The following TTC28 variants were observed in gnomAD, a reference collection of about 807,000 sequenced individuals.
TTC28 encodes tetratricopeptide repeat protein 28.
Under a neutral mutation model 198.0 loss-of-function variants are expected in TTC28, and 61 were observed. The ratio of observed to expected loss-of-function variants is 0.31; its 90% CI spans 0.25 to 0.38. The LOEUF (loss-of-function observed/expected upper bound fraction) is 0.38, where lower values mean the gene tolerates loss of function less well. Ranked by LOEUF, TTC28 falls within the 10% of genes least tolerant of loss-of-function variation. The pLI is 1.00. For synonymous variants in TTC28, 1,171 were observed against 1,297.8 expected, an observed-to-expected ratio of 0.90 and a Z score of 2.10; for missense variants, 2,678 against 3,164.0, an observed-to-expected ratio of 0.85 and a Z score of 3.69.
chr22:28,032,191 A>G (rs1052291508), intron 12 of TTC28, among the ~76,000 whole-genome samples: 2 of 61,892 alleles, frequency 3.2e-5, no homozygotes, highest in African/African-American at 8.3e-5. Flanking sequence ...TATATATAAA[A>G]TATATATATA....
At position 28,677,176 on chromosome 22, in the gene TTC28, ATATATAT is replaced by A. The variant is rs1271473064; in HGVS notation, c.102+2439_102+2445del. Reference sequence around the variant, plus strand: ...ATCTCAGGAAAAAAAAAAAAAAAAAATATATATATATATATATATATATATACACACA... The same window carrying A: ...ATCTCAGGAAAAAAAAAAAAAAAAAAATATATATATATATATATACACACA... On this transcript the variant is annotated intron_variant, in intron 1 of 22. Transcript: ENST00000397906. Among the ~76,000 whole-genome samples, 282 of 59,342 alleles carry A rather than the reference ATATATAT, an allele frequency of 4.8e-3. 10 individuals carry two copies. The highest frequency in any genetic ancestry group is 0.032 in the South Asian group (59 of 1,850). The allele number at this position is 59,342 out of a possible 152,430, so 38.9% of individuals were successfully genotyped here.
rs1942361221 is a variant in TTC28, at chr22:28,107,846, G to C, written c.1999C>G (p.Leu667Val). 1.3e-6 allele frequency: 2 copies of C among 1,551,864 alleles called. No homozygotes were observed. Among genetic ancestry groups the C allele is most frequent in the Non-Finnish European group, 1.7e-6 (2 of 1,147,038 alleles). ...TTTGCTTGGCTCAACTTGTCGTGAA[G>C]GTCTTTAGCCAGTGCCAGATCCTGT... is the stretch of plus-strand genomic sequence containing the variant. Reference protein sequence around the residue: ...YEQDLALAKDLHDKLSQAKAY... With the variant: ...YEQDLALAKDVHDKLSQAKAY... The change falls in exon 7 of 23, where the codon CTT (leucine) becomes GTT (valine). Residue 667 changes from leucine (L) to valine (V), a missense_variant. By Grantham distance (32) the Leu-to-Val change is conservative. This residue lies in a region of TTC28 where 775 missense variants were observed against 845.9 expected (regional missense o/e 0.92). Coordinates refer to ENST00000397906, the MANE Select transcript of TTC28 (RefSeq NM_001145418.2).
At chr22:28,450,211 T>A (rs778459442) in intron 2 of TTC28, among the ~76,000 whole-genome samples, 2 of 152,118 alleles carry the variant, frequency 1.3e-5, no homozygotes, top group Non-Finnish European at 2.9e-5. Context: ...ATTCTTCCAG[T>A]GATGAAGTCT....
intron 12 of TTC28, among the ~76,000 whole-genome samples, chr22:28,090,442 A>T (rs1941779078): frequency 6.6e-6 from 1 of 152,044 alleles, no homozygotes; most frequent in East Asian, 1.9e-4. Context: ...AATAGATATA[A>T]CATAATTTGT....
chr22:28,278,089 A>G (rs2044505228), intron 5 of TTC28, among the ~76,000 whole-genome samples: 1 of 151,956 alleles, frequency 6.6e-6, no homozygotes, highest in African/African-American at 2.4e-5. Flanking sequence ...CTTAACTCTC[A>G]GCTATTGGTT....
At chr22:28,633,310 A>T (rs1352455537) in intron 1 of TTC28, among the ~76,000 whole-genome samples, 1 of 151,624 alleles carries the variant, frequency 6.6e-6, no homozygotes, top group Non-Finnish European at 1.5e-5. Flanking sequence ...AAAAAGAAAA[A>T]GAAAAAAAAT....
intron 5 of TTC28, among the ~76,000 whole-genome samples, chr22:28,288,299 G>A (rs2044723390): frequency 6.6e-6 from 1 of 152,008 alleles, no homozygotes; most frequent in Non-Finnish European, 1.5e-5. Flanking sequence ...TGTAATTAAG[G>A]TTTAACAACT....
chr22:28,335,462 C>T (rs1404405511), intron 2 of TTC28, among the ~76,000 whole-genome samples: 2 of 152,188 alleles, frequency 1.3e-5, no homozygotes, highest in Admixed American at 6.6e-5. Flanking sequence ...GCCATTTCCA[C>T]AATATTGATT....
intron 2 of TTC28, among the ~76,000 whole-genome samples, chr22:28,402,659 T>C (rs2046934644): frequency 6.6e-6 from 1 of 152,236 alleles, no homozygotes; most frequent in South Asian, 2.1e-4. Context: ...GATCACTATG[T>C]AGTAATTCTG....
intron 2 of TTC28, among the ~76,000 whole-genome samples, chr22:28,466,481 G>A (rs2048022054): frequency 6.6e-6 from 1 of 152,118 alleles, no homozygotes; most frequent in Non-Finnish European, 1.5e-5. Context: ...ATAAGATATG[G>A]TATGCCAAAC....
intron 6 of TTC28, among the ~76,000 whole-genome samples, chr22:28,152,744 C>T (rs1448414058): frequency 6.6e-6 from 1 of 152,176 alleles, no homozygotes; most frequent in Non-Finnish European, 1.5e-5. Context: ...AGTGTACTGA[C>T]TACCTATAAT....
chr22:28,456,442 G>C (rs1421741667), intron 2 of TTC28, among the ~76,000 whole-genome samples: 1 of 152,126 alleles, frequency 6.6e-6, no homozygotes, highest in Admixed American at 6.5e-5. Flanking sequence ...AAAGTGAATT[G>C]TAACTAAAAT....
At chr22:28,095,990 T>G (rs745482580) in intron 11 of TTC28, among the ~76,000 whole-genome samples, 200 bp downstream of exon 11, 17 of 152,212 alleles carry the variant, frequency 1.1e-4, no homozygotes, top group Non-Finnish European at 1.9e-4. Flanking sequence ...AGCAGCAATT[T>G]CTTGGGGAAA....
rs73166787 is a variant in TTC28, at chr22:28,051,152, C to T, written c.3933-20786G>A. On this transcript the variant is annotated intron_variant, in intron 12 of 22. Transcript: ENST00000397906. ...TGTGGTCCTTAAAAGCTAGAAGTGACTTTTAAAATTATTCCCTATTCCCTA... is the reference window on the plus strand; with the variant it reads ...TGTGGTCCTTAAAAGCTAGAAGTGATTTTTAAAATTATTCCCTATTCCCTA... Among the ~76,000 whole-genome samples the T allele has an allele frequency of 2.0e-3, 312 of 152,236 alleles. 1 individual carries two copies. Among genetic ancestry groups the T allele is most frequent in the Non-Finnish European group, 3.6e-3 (242 of 68,020 alleles).
intron 2 of TTC28, among the ~76,000 whole-genome samples, chr22:28,387,442 TA>T: frequency 6.6e-6 from 1 of 152,350 alleles, no homozygotes; most frequent in South Asian, 2.1e-4. Context: ...ATGGTTGAAC[TA>T]GTTTACAGTC....
chr22:28,599,581 G>A (rs2050604856), intron 2 of TTC28, among the ~76,000 whole-genome samples: 1 of 152,108 alleles, frequency 6.6e-6, no homozygotes, highest in Non-Finnish European at 1.5e-5. Flanking sequence ...TTGAGGCCAG[G>A]AGCTCACGAC....
At chr22:28,538,699 A>T (rs2049350004) in intron 2 of TTC28, among the ~76,000 whole-genome samples, 1 of 151,534 alleles carries the variant, frequency 6.6e-6, no homozygotes, top group Admixed American at 6.6e-5. Flanking sequence ...AGCTGGGATT[A>T]CAGGCGTGCG....
chr22:28,630,134 C>T (rs1362514943), intron 1 of TTC28, among the ~76,000 whole-genome samples: 11 of 152,192 alleles, frequency 7.2e-5, no homozygotes. Context: ...TCTGCATGCA[C>T]AAGCCAGCTC....
At chr22:28,038,272 T>G (rs1939448481) in intron 12 of TTC28, among the ~76,000 whole-genome samples, 1 of 152,114 alleles carries the variant, frequency 6.6e-6, no homozygotes, top group Non-Finnish European at 1.5e-5. Context: ...CAAACTATAC[T>G]ACAAGGCTAC....
Sources: gnomAD v4.1 joint callset for allele counts (sites outside exome capture counted in the v4.1 genomes callset) on GRCh38, gnomAD v4.1.1 for gene constraint, gnomAD v4.1.1 regional missense constraint, MANE v1.5 for transcripts, NCBI Gene and HGNC (gene_info 2026-07-23, HGNC 2026-07-21) for gene names.